CELF2: variants seen among roughly 807,000 people sequenced by gnomAD.
CELF2 encodes CUGBP Elav-like family member 2, also known as CUG triplet repeat RNA-binding protein 2.
In CELF2, 8 loss-of-function variants were observed where a neutral mutation model predicts 62.6. That is an observed-to-expected ratio of 0.13 (90% CI 0.07 to 0.23). The LOEUF is 0.23. CELF2 is among the 10% of genes least tolerant of loss of function. The probability of loss-of-function intolerance (pLI) is 1.00; values close to 1 mark genes in which losing one functional copy is unlikely to be tolerated. For missense variants in CELF2, 333 were observed against 671.0 expected, an observed-to-expected ratio of 0.50 and a Z score of 5.56; for synonymous variants, 258 against 250.0, an observed-to-expected ratio of 1.03 and a Z score of -0.30.
At chr10:11,072,021 T>C (rs955088978) in intron 1 of CELF2, among the ~76,000 whole-genome samples, 4 of 152,122 alleles carry the variant, frequency 2.6e-5, no homozygotes, top group African/African-American at 9.7e-5. Flanking sequence ...AGTTTGGAGA[T>C]TGCCTTTTGG....
At chr10:11,014,050 G>A (rs781316295), upstream of CELF2, among the ~76,000 whole-genome samples, 6 of 152,216 alleles carry the variant, frequency 3.9e-5, no homozygotes, top group Non-Finnish European at 8.8e-5. Flanking sequence ...CCCTCACAGG[G>A]CCTGTATTGC....
chr10:10,791,394 A>C, the CELF2 span, among the ~76,000 whole-genome samples: 1 of 152,116 alleles, frequency 6.6e-6, no homozygotes, highest in Non-Finnish European at 1.5e-5. Flanking sequence ...CTTTGCCAGT[A>C]AACAAAGATG....
At chr10:10,590,390 C>G in the CELF2 span, among the ~76,000 whole-genome samples, 3 of 152,088 alleles carry the variant, frequency 2.0e-5, no homozygotes, top group Non-Finnish European at 2.9e-5. Flanking sequence ...CACCCTGAAG[C>G]CAGAAAAACA....
the CELF2 span, among the ~76,000 whole-genome samples, chr10:10,519,184 T>C: frequency 6.6e-6 from 1 of 152,192 alleles, no homozygotes; most frequent in African/African-American, 2.4e-5. Context: ...GATATTTGCC[T>C]GTCTGGGTCC....
At chr10:10,545,727 A>G in the CELF2 span, among the ~76,000 whole-genome samples, 23 of 152,198 alleles carry the variant, frequency 1.5e-4, no homozygotes, top group Admixed American at 1.2e-3. Context: ...TTATGTTAAG[A>G]AAGAGTTAAC....
chr10:11,157,467 C>G lies in CELF2; in HGVS notation c.75-8019C>G, dbSNP rs1320311823. On this transcript the variant is annotated intron_variant, in intron 1 of 12. Coordinates refer to ENST00000633077, the MANE Select transcript of CELF2 (RefSeq NM_001326342.2). The surrounding 1 kb of genome is among the most constrained non-coding windows in gnomAD (Gnocchi z 4.9). ...AGCATAGTTCAGAATGCCAAATGCC[C>G]AATCCCCTTGGCTTAATGAGTCACT... Among the ~76,000 whole-genome samples the G allele has an allele frequency of 1.3e-5, 2 of 152,142 alleles. No individual in the cohort carries two copies. Among genetic ancestry groups the G allele is most frequent in the Admixed American group, 1.3e-4 (2 of 15,272 alleles).
rs997436520 is a variant in CELF2, at chr10:11,237,486, C to T, written c.355-11667C>T. On this transcript the variant is annotated intron_variant, in intron 3 of 12. Coordinates refer to ENST00000633077, the MANE Select transcript of CELF2 (RefSeq NM_001326342.2). This position sits in a 1 kb window ranked among gnomAD's most constrained non-coding sequence, Gnocchi z 4.0. ...TGTAAGAGATCAGGGTGGACAGAGT[C>T]GAGCCCTGCAAAGAGGCTCAGAAGA... Among the ~76,000 whole-genome samples the T allele has an allele frequency of 2.6e-5, 4 of 152,094 alleles. No individual in the cohort carries two copies. The highest frequency in any genetic ancestry group is 4.8e-5 in the African/African-American group (2 of 41,414).
the CELF2 span, among the ~76,000 whole-genome samples, chr10:10,736,198 C>G: frequency 6.6e-6 from 1 of 152,148 alleles, no homozygotes; most frequent in African/African-American, 2.4e-5. Flanking sequence ...CCGATATATT[C>G]TCATGTCTTT....
intron 2 of CELF2, among the ~76,000 whole-genome samples, chr10:11,187,650 G>A (rs959182403): frequency 6.8e-6 from 1 of 148,114 alleles, no homozygotes; most frequent in African/African-American, 2.5e-5. Context: ...CTTCTTTGTT[G>A]GCTTACTAGT....
At position 10,936,861 on chromosome 10, in the gene CELF2, C is replaced by A. The variant is rs2046447968; in HGVS notation, c.89+16862C>A. 6.6e-6 allele frequency among the ~76,000 whole-genome samples: 1 copy of A among 152,064 alleles called. No individual in the cohort carries two copies. Among genetic ancestry groups the A allele is most frequent in the African/African-American group, 2.4e-5 (1 of 41,412 alleles). ...ATGTTCTGATTCAGCTGGTCTGGGG[C>A]AAAACCTGAAATTCTGTATTTCTGA... On this transcript the variant is annotated intron_variant, in intron 2 of 13. Transcript: ENST00000636488. This position sits in a 1 kb window ranked among gnomAD's most constrained non-coding sequence, Gnocchi z 4.0.
the CELF2 span, among the ~76,000 whole-genome samples, chr10:10,547,166 C>A: frequency 3.3e-5 from 5 of 151,684 alleles, no homozygotes; most frequent in Admixed American, 3.3e-4. Flanking sequence ...GGGAGCCGAG[C>A]ATCTTGGGGA....
At chr10:10,769,422 G>A in the CELF2 span, among the ~76,000 whole-genome samples, 2 of 152,084 alleles carry the variant, frequency 1.3e-5, no homozygotes, top group Non-Finnish European at 2.9e-5. Flanking sequence ...GCAGTGAGAG[G>A]TTAGTGACTG....
chr10:10,655,592 G>A, the CELF2 span, among the ~76,000 whole-genome samples: 5 of 116,444 alleles, frequency 4.3e-5, no homozygotes, highest in African/African-American at 1.5e-4. Flanking sequence ...ATTGATCTTT[G>A]ACAAACCTGA....
the CELF2 span, among the ~76,000 whole-genome samples, chr10:10,674,037 C>T: frequency 1.3e-5 from 2 of 152,164 alleles, no homozygotes; most frequent in African/African-American, 4.8e-5. Flanking sequence ...TCCATTATAT[C>T]CAGTTGATTG....
At position 11,008,838 on chromosome 10, in the gene CELF2, CAG is replaced by C. The variant is rs577317491; in HGVS notation, c.53+3400_53+3401del. 1.1e-4 allele frequency among the ~76,000 whole-genome samples: 16 copies of C among 152,246 alleles called. No homozygotes were observed. In the South Asian group the frequency reaches 2.9e-3, roughly 28 times the overall value. ...TGGAGATTTCTGTAACAGTCATTAACAGAATGCAGTTTGTTTTGTGGCATCAT... is the reference window on the plus strand; with the variant it reads ...TGGAGATTTCTGTAACAGTCATTAACAATGCAGTTTGTTTTGTGGCATCAT... On this transcript the variant is annotated intron_variant, in intron 1 of 12. Coordinates refer to the CELF2 transcript ENST00000416382. This position sits in a 1 kb window ranked among gnomAD's most constrained non-coding sequence, Gnocchi z 4.5.
At chr10:11,137,365 T>C (rs531376957) in intron 1 of CELF2, among the ~76,000 whole-genome samples, 3 of 152,254 alleles carry the variant, frequency 2.0e-5, no homozygotes, top group Admixed American at 2.0e-4. Context: ...TAAGGCATAT[T>C]CTTTGGGAGT....
chr10:11,164,761 G>T (rs1359589584), intron 1 of CELF2, among the ~76,000 whole-genome samples: 1 of 151,152 alleles, frequency 6.6e-6, no homozygotes, highest in African/African-American at 2.4e-5. Context: ...CATAAACAAT[G>T]TGCTTTTTAA....
the CELF2 span, among the ~76,000 whole-genome samples, chr10:10,480,806 T>C: frequency 6.6e-6 from 1 of 152,218 alleles, no homozygotes; most frequent in Non-Finnish European, 1.5e-5. Context: ...AAATTGTTCA[T>C]GTGGGGACTG....
At chr10:10,741,105 C>T in the CELF2 span, among the ~76,000 whole-genome samples, 1 of 152,038 alleles carries the variant, frequency 6.6e-6, no homozygotes, top group African/African-American at 2.4e-5. Context: ...AAAAAGTTAG[C>T]TATAAAAAGT....
Sources: allele counts gnomAD v4.1 joint callset (sites outside exome capture counted in the v4.1 genomes callset), GRCh38; gene constraint gnomAD v4.1.1; non-coding constraint Gnocchi (gnomAD v3.1); transcripts MANE v1.5; gene names NCBI Gene and HGNC (gene_info 2026-07-23, HGNC 2026-07-21).